RAB31: variants seen among roughly 807,000 people sequenced by gnomAD.
The protein encoded by RAB31 is ras-related protein Rab-31.
Under a neutral mutation model 25.6 loss-of-function variants are expected in RAB31, and 21 were observed. That is an observed-to-expected ratio of 0.82 (90% CI 0.58 to 1.18). RAB31 has a LOEUF of 1.18. Ranked by LOEUF, RAB31 falls within the 50% of genes most tolerant of loss-of-function variation. RAB31 has a pLI of 0.00. For missense variants in RAB31, 196 were observed against 250.1 expected (o/e 0.78, Z 1.46); for synonymous variants, 87 against 84.0 (o/e 1.04, Z -0.20).
At chr18:9,756,530 CT>C (rs76566771) in intron 1 of RAB31, among the ~76,000 whole-genome samples, 21,574 of 152,114 alleles carry the variant, frequency 0.14, 1,638 homozygotes, top group Middle Eastern at 0.18. Context: ...TCGGCAAAGC[CT>C]TGAGCATTAA....
At chr18:9,825,411 G>A (rs2068644901) in intron 5 of RAB31, among the ~76,000 whole-genome samples, 1 of 152,158 alleles carries the variant, frequency 6.6e-6, no homozygotes, top group South Asian at 2.1e-4. Flanking sequence ...GAAAAACAGG[G>A]CAGTTGAGTC....
chr18:9,821,092 A>G (rs888359913), intron 5 of RAB31, among the ~76,000 whole-genome samples: 16 of 152,212 alleles, frequency 1.1e-4, no homozygotes, highest in African/African-American at 3.6e-4. Context: ...ACTAATCTCA[A>G]AATATTTTCT....
intron 1 of RAB31, among the ~76,000 whole-genome samples, chr18:9,763,109 G>T (rs946327825): frequency 1.3e-5 from 2 of 151,994 alleles, no homozygotes; most frequent in Admixed American, 6.6e-5. Flanking sequence ...CTTTAGGGTG[G>T]ATGATGTCCC....
At chr18:9,858,852 G>A (rs1404284169) in intron 6 of RAB31, among the ~76,000 whole-genome samples, 4 of 152,172 alleles carry the variant, frequency 2.6e-5, no homozygotes, top group Non-Finnish European at 5.9e-5. Flanking sequence ...CATGAAAGCC[G>A]CTCATTAAAC....
At chr18:9,755,461 G>A (rs1277646704) in intron 1 of RAB31, among the ~76,000 whole-genome samples, 1 of 152,192 alleles carries the variant, frequency 6.6e-6, no homozygotes, top group East Asian at 1.9e-4. Context: ...TGGAGGAGTT[G>A]GAGGCATTTT....
At chr18:9,747,107 A>G (rs1417176261) in intron 1 of RAB31, among the ~76,000 whole-genome samples, 1 of 152,258 alleles carries the variant, frequency 6.6e-6, no homozygotes, top group African/African-American at 2.4e-5. Flanking sequence ...AAAGGATTTG[A>G]ATAGACCTTC....
intron 1 of RAB31, among the ~76,000 whole-genome samples, chr18:9,771,830 G>C (rs1241595096): frequency 6.6e-6 from 1 of 152,216 alleles, no homozygotes; most frequent in Non-Finnish European, 1.5e-5. Context: ...CTTTCGTCCT[G>C]TTATTTCTTT....
At chr18:9,840,176 G>C (rs1279800190) in intron 5 of RAB31, among the ~76,000 whole-genome samples, 1 of 152,176 alleles carries the variant, frequency 6.6e-6, no homozygotes, top group Non-Finnish European at 1.5e-5. Flanking sequence ...TGGCCTGGGG[G>C]GATCTGCATC....
intron 1 of RAB31, among the ~76,000 whole-genome samples, chr18:9,725,358 A>G (rs2068092100): frequency 6.6e-6 from 1 of 152,242 alleles, no homozygotes; most frequent in African/African-American, 2.4e-5. Flanking sequence ...AGTGCTTTAC[A>G]TAAATTATGA....
At chr18:9,786,056 G>GAAAGAGAGAA (rs1599037840) in intron 2 of RAB31, among the ~76,000 whole-genome samples, 1 of 149,922 alleles carries the variant, frequency 6.7e-6, no homozygotes, top group Non-Finnish European at 1.5e-5. Context: ...GAGAAAGAAA[G>GAAAGAGAGAA]AGAGAAAGAG....
At chr18:9,806,595 G>C (rs192413319) in intron 3 of RAB31, among the ~76,000 whole-genome samples, 2 of 152,320 alleles carry the variant, frequency 1.3e-5, no homozygotes, top group Admixed American at 1.3e-4. Context: ...GAAGGGACCA[G>C]GTCCCACCCA....
At chr18:9,824,805 A>G (rs2284138) in intron 5 of RAB31, among the ~76,000 whole-genome samples, 6,552 of 152,218 alleles carry the variant, frequency 0.043, 196 homozygotes, top group African/African-American at 0.091. Flanking sequence ...AGATTTTCCT[A>G]TCTTGAACAA....
intron 1 of RAB31, among the ~76,000 whole-genome samples, chr18:9,733,601 G>A (rs2068134251): frequency 6.6e-6 from 1 of 152,148 alleles, no homozygotes; most frequent in South Asian, 2.1e-4. Context: ...CAAACTCCAA[G>A]CCTCATTCCA....
At position 9,859,263 on chromosome 18, in the gene RAB31, G is replaced by A; in HGVS notation, c.526G>A (p.Gly176Arg). The change falls in exon 7 of 7, where the codon GGA (glycine) becomes AGA (arginine). Residue 176 changes from glycine to arginine, a missense_variant. Coordinates refer to ENST00000578921, the MANE Select transcript of RAB31 (RefSeq NM_006868.4). ...QIPPLDPHENGNNGTIKVEKP... is the reference protein window; with the variant it reads ...QIPPLDPHENRNNGTIKVEKP... Reference sequence around the variant, plus strand: ...CCCACCCTTGGACCCCCATGAAAATGGAAACAATGGAACAATCAAAGTTGA... The same window carrying A: ...CCCACCCTTGGACCCCCATGAAAATAGAAACAATGGAACAATCAAAGTTGA... 1 of 1,613,868 alleles carries A rather than the reference G, an allele frequency of 6.2e-7. No homozygotes were observed. Among genetic ancestry groups the A allele is most frequent in the Non-Finnish European group, 8.5e-7 (1 of 1,179,832 alleles).
At chr18:9,722,268 G>T (rs1328575581) in intron 1 of RAB31, among the ~76,000 whole-genome samples, 7 of 152,198 alleles carry the variant, frequency 4.6e-5, no homozygotes, top group African/African-American at 1.7e-4. Context: ...TGGCAGCTGT[G>T]TGAGGGCTGA....
chr18:9,762,659 A>G (rs955499177), intron 1 of RAB31, among the ~76,000 whole-genome samples: 1 of 149,514 alleles, frequency 6.7e-6, no homozygotes, highest in Admixed American at 6.6e-5. Flanking sequence ...CTCTCTGGAA[A>G]TGCCAAGAAG....
At chr18:9,752,521 G>A (rs1568169969) in intron 1 of RAB31, among the ~76,000 whole-genome samples, 1 of 152,144 alleles carries the variant, frequency 6.6e-6, no homozygotes, top group African/African-American at 2.4e-5. Flanking sequence ...CATCGTGCCC[G>A]GCCCAGCTCG....
chr18:9,860,500 A>G lies in RAB31; in HGVS notation c.*1175A>G, dbSNP rs2068841490. 6.6e-6 allele frequency: 1 copy of G among 152,238 alleles called. No individual in the cohort carries two copies. Among genetic ancestry groups the G allele is most frequent in the Non-Finnish European group, 1.5e-5 (1 of 68,044 alleles). The allele number at this position is 152,238 out of a possible 1,614,324, so 9.4% of individuals were successfully genotyped here. A position where few individuals can be genotyped will look rare whatever the true frequency, so the allele number is the denominator to read the frequency against. On this transcript the variant is annotated 3_prime_UTR_variant, in exon 7 of 7. Transcript: ENST00000578921. Reference sequence around the variant, plus strand: ...TCAGATTCCCTGTCTGCTCAATTAAAGATGTTTGAATCCAAAGGAAGTCAA... The same window carrying G: ...TCAGATTCCCTGTCTGCTCAATTAAGGATGTTTGAATCCAAAGGAAGTCAA...
At chr18:9,844,268 C>T (rs1020607054) in intron 5 of RAB31, among the ~76,000 whole-genome samples, 5 of 152,134 alleles carry the variant, frequency 3.3e-5, no homozygotes, top group African/African-American at 1.2e-4. Context: ...ACATTCTCTC[C>T]ATTCGGGCCC....
Sources: gnomAD v4.1 joint callset for allele counts (sites outside exome capture counted in the v4.1 genomes callset) on GRCh38, gnomAD v4.1.1 for gene constraint, MANE v1.5 for transcripts, NCBI Gene and HGNC (gene_info 2026-07-23, HGNC 2026-07-21) for gene names.